The following ULK4 variants were observed in gnomAD, a reference collection of about 807,000 sequenced individuals.
ULK4 encodes inactive serine/threonine-protein kinase ULK4.
In ULK4, 133 loss-of-function variants were observed where a neutral mutation model predicts 160.6. That is an observed-to-expected ratio of 0.83 (90% CI 0.72 to 0.96). The LOEUF (loss-of-function observed/expected upper bound fraction) is 0.96, where lower values mean the gene tolerates loss of function less well. Among genes scored for constraint, ULK4 ranks in the 40% least tolerant of loss-of-function variants. The pLI is 0.00. For missense variants in ULK4, 1,580 were observed against 1,499.5 expected (o/e 1.05, Z -0.89); for synonymous variants, 534 against 539.8 (o/e 0.99, Z 0.15).
chr3:41,702,636 C>T (rs758909854), intron 27 of ULK4, among the ~76,000 whole-genome samples: 2 of 151,386 alleles, frequency 1.3e-5, no homozygotes, highest in African/African-American at 2.4e-5. Context: ...ATAAAGAGGG[C>T]GACTTCACAA....
chr3:41,442,266 C>G (rs1175676453), intron 34 of ULK4, among the ~76,000 whole-genome samples: 1 of 151,994 alleles, frequency 6.6e-6, no homozygotes, highest in African/African-American at 2.4e-5. Flanking sequence ...TAAGGAAAAA[C>G]GGGTAACATA....
At chr3:41,593,297 G>T (rs558142822) in intron 31 of ULK4, among the ~76,000 whole-genome samples, 12 of 152,286 alleles carry the variant, frequency 7.9e-5, no homozygotes, top group African/African-American at 2.9e-4. Flanking sequence ...TGATGTGATA[G>T]GTCACTGATC....
At chr3:41,830,880 C>T (rs1383863708) in intron 18 of ULK4, among the ~76,000 whole-genome samples, 1 of 151,444 alleles carries the variant, frequency 6.6e-6, no homozygotes, top group Non-Finnish European at 1.5e-5. Context: ...ATGTCAAGGC[C>T]TTGAGGGTCC....
intron 22 of ULK4, among the ~76,000 whole-genome samples, chr3:41,727,526 A>G (rs946224987): frequency 6.6e-6 from 1 of 152,248 alleles, no homozygotes; most frequent in Non-Finnish European, 1.5e-5. Context: ...CAAGCGTGCA[A>G]TGTGGACAAA....
intron 21 of ULK4, among the ~76,000 whole-genome samples, chr3:41,780,167 G>C (rs1010974687): frequency 3.3e-5 from 5 of 151,240 alleles, no homozygotes; most frequent in African/African-American, 1.2e-4. Flanking sequence ...CAAAAAAAAA[G>C]CCGAGTGTGG....
chr3:41,924,048 C>G (rs1359291526), intron 5 of ULK4, among the ~76,000 whole-genome samples: 8 of 152,142 alleles, frequency 5.3e-5, no homozygotes, highest in Non-Finnish European at 1.2e-4. Context: ...AAGGCAGAAC[C>G]AGAATCCAGA....
chr3:41,724,690 G>A (rs901667263), intron 22 of ULK4, among the ~76,000 whole-genome samples: 2 of 152,094 alleles, frequency 1.3e-5, no homozygotes, highest in Middle Eastern at 3.4e-3. Context: ...ACCACTGCAC[G>A]CCAGCCTGGG....
chr3:41,537,957 C>T (rs1003759768), intron 32 of ULK4, among the ~76,000 whole-genome samples: 2 of 151,230 alleles, frequency 1.3e-5, no homozygotes, highest in South Asian at 2.1e-4. Context: ...GCATTTTCAC[C>T]GGCATTAAAA....
chr3:41,252,145 G>C (rs945048426), intron 35 of ULK4, among the ~76,000 whole-genome samples: 12 of 152,178 alleles, frequency 7.9e-5, no homozygotes, highest in African/African-American at 2.7e-4. Flanking sequence ...CAGCATGATT[G>C]CTTGCTAAAA....
chr3:41,646,208 G>C (rs1470157967), intron 30 of ULK4, among the ~76,000 whole-genome samples: 1 of 152,092 alleles, frequency 6.6e-6, no homozygotes, highest in Non-Finnish European at 1.5e-5. Flanking sequence ...AGTTAATATT[G>C]TTATGTGTGA....
intron 32 of ULK4, among the ~76,000 whole-genome samples, chr3:41,492,601 C>T (rs994864610): frequency 6.6e-6 from 1 of 151,144 alleles, no homozygotes; most frequent in Non-Finnish European, 1.5e-5. Flanking sequence ...TGTAATTGGA[C>T]TAAATGCTCC....
rs570921641 is a variant in ULK4 at position 41,592,032 on chromosome 3, A to T, written c.3120+23637T>A. On this transcript the variant is annotated intron_variant, in intron 31 of 36. Coordinates refer to ENST00000301831, the MANE Select transcript of ULK4 (RefSeq NM_017886.4). ...CATCCGGAACTTTTGTTCCAGAACT[A>T]CTGCAGGAATATATCAGAAAAGCCG... Among the ~76,000 whole-genome samples the T allele has an allele frequency of 5.3e-5, 8 of 152,318 alleles. No homozygotes were observed. The South Asian group carries it at 1.5e-3, about 28-fold the overall frequency.
chr3:41,441,099 T>A (rs2083156613), intron 34 of ULK4, among the ~76,000 whole-genome samples: 1 of 152,094 alleles, frequency 6.6e-6, no homozygotes, highest in Admixed American at 6.6e-5. Context: ...GGGTTTTGAT[T>A]TTACTTATGT....
chr3:41,254,617 C>T (rs2078799372), intron 35 of ULK4, among the ~76,000 whole-genome samples: 1 of 152,138 alleles, frequency 6.6e-6, no homozygotes, highest in Admixed American at 6.5e-5. Context: ...CGCGGTGGCT[C>T]ACACCTGTAA....
chr3:41,776,335 G>C (rs141948624), intron 21 of ULK4, among the ~76,000 whole-genome samples: 3,323 of 149,796 alleles, frequency 0.022, 84 homozygotes, highest in Middle Eastern at 0.057. Context: ...TAATCATTAA[G>C]AAAAGTTTCC....
At chr3:41,902,271 G>C (rs1213658388) in intron 12 of ULK4, among the ~76,000 whole-genome samples, 1 of 152,086 alleles carries the variant, frequency 6.6e-6, no homozygotes, top group Admixed American at 6.6e-5. Context: ...ATGCAACTCA[G>C]ACAAAAGACA....
chr3:41,480,417 T>C (rs1265589961), intron 32 of ULK4, among the ~76,000 whole-genome samples: 1 of 151,972 alleles, frequency 6.6e-6, no homozygotes, highest in Non-Finnish European at 1.5e-5. Flanking sequence ...ACAACATGGG[T>C]TTGAACTATA....
intron 34 of ULK4, among the ~76,000 whole-genome samples, chr3:41,423,001 A>T (rs2082695341): frequency 6.6e-6 from 1 of 152,240 alleles, no homozygotes; most frequent in Admixed American, 6.5e-5. Flanking sequence ...TATTAAAAAG[A>T]ATGAGATTGA....
At chr3:41,366,148 A>C (rs2081248572) in intron 35 of ULK4, among the ~76,000 whole-genome samples, 1 of 152,206 alleles carries the variant, frequency 6.6e-6, no homozygotes, top group Non-Finnish European at 1.5e-5. Flanking sequence ...GTGTTCGTTC[A>C]GCTCCCCATA....
Sources: allele counts gnomAD v4.1 joint callset (sites outside exome capture counted in the v4.1 genomes callset), GRCh38; gene constraint gnomAD v4.1.1; transcripts MANE v1.5; gene names NCBI Gene and HGNC (gene_info 2026-07-23, HGNC 2026-07-21).